The following USP8 variants were observed in gnomAD, a reference collection of about 807,000 sequenced individuals.
USP8 encodes ubiquitin specific peptidase 8.
USP8 carries 27 observed loss-of-function variants against 130.0 expected under a neutral mutation model. The ratio of observed to expected loss-of-function variants is 0.21; its 90% CI spans 0.15 to 0.29. The LOEUF (loss-of-function observed/expected upper bound fraction) is 0.29. Among genes scored for constraint, USP8 ranks in the 10% least tolerant of loss-of-function variants. The pLI is 1.00. For synonymous variants in USP8, 392 were observed against 444.1 expected, an observed-to-expected ratio of 0.88 and a Z score of 1.48; for missense variants, 1,029 against 1,312.2, an observed-to-expected ratio of 0.78 and a Z score of 3.33.
At chr15:50,490,000 C>A in intron 13 of USP8, 119 bp downstream of exon 13, 2 of 924,250 alleles carry the variant, frequency 2.2e-6, no homozygotes, top group Non-Finnish European at 3.2e-6. Context: ...GAGAACATAG[C>A]TTATTCCCCT....
chr15:50,438,882 A>G (rs2050162814), intron 1 of USP8, 127 bp from the exon 2 acceptor site: 1 of 456,978 alleles, frequency 2.2e-6, no homozygotes, highest in Non-Finnish European at 3.9e-6. Flanking sequence ...CCTGAAATAG[A>G]TATTCTAAAC....
chr15:50,439,306 C>T (rs2050175378), intron 2 of USP8, 129 bp downstream of exon 2: 1 of 590,402 alleles, frequency 1.7e-6, no homozygotes, highest in Non-Finnish European at 2.8e-6. Flanking sequence ...GTAGGACCTC[C>T]TTAGAGAAAG....
chr15:50,457,265 A>C (rs899148453), intron 4 of USP8, among the ~76,000 whole-genome samples: 7 of 152,164 alleles, frequency 4.6e-5, no homozygotes, highest in Non-Finnish European at 8.8e-5. Context: ...CACTCAAAAG[A>C]GCATATAAGA....
chr15:50,434,462 T>C (rs1194460032), intron 1 of USP8, among the ~76,000 whole-genome samples: 1 of 152,140 alleles, frequency 6.6e-6, no homozygotes, highest in Non-Finnish European at 1.5e-5. Flanking sequence ...GGAGCACTGC[T>C]GTTTGACTAA....
In USP8 at chr15:50,471,737, C is replaced by T; in HGVS notation, c.791C>T (p.Ser264Phe). The change falls in exon 8 of 20, where the codon TCT (serine) becomes TTT (phenylalanine). Residue 264 changes from serine to phenylalanine, a missense_variant. Ser to Phe is a radical substitution (Grantham distance 155). Coordinates refer to ENST00000307179, the MANE Select transcript of USP8 (RefSeq NM_005154.5). The stretch of plus-strand genomic sequence containing the variant: ...GTGGTACTTCTTGACTGGTTTAGTT[C>T]TGCCAAAGATTTACAGATTGGAACA... ...EYVVLLDWFS[S>F]AKDLQIGTTL... 1 of 1,614,044 alleles carries T rather than the reference C, an allele frequency of 6.2e-7. No individual in the cohort carries two copies. The highest frequency in any genetic ancestry group is 8.5e-7 in the Non-Finnish European group (1 of 1,180,010).
chr15:50,504,153 A>G lies in USP8; in HGVS notation c.*5065A>G, dbSNP rs2052626955. On this transcript the variant is annotated 3_prime_UTR_variant, in exon 20 of 20. Transcript: ENST00000307179. ...ACAGTGTAACAACTATTTACATAGT[A>G]TTTATATTGTATTAGATATTATAAG... 6.6e-6 allele frequency: 1 copy of G among 152,218 alleles called. No homozygotes were observed. The highest frequency in any genetic ancestry group is 6.5e-5 in the Admixed American group (1 of 15,280). 9.4% of individuals were successfully genotyped at this position (152,218 alleles called of 1,614,324 possible).
intron 17 of USP8, chr15:50,496,793 T>TTAAAG (rs2052430880): frequency 4.2e-6 from 1 of 237,016 alleles, no homozygotes; most frequent in Non-Finnish European, 8.0e-6. Context: ...ACCTTTAGTC[T>TTAAAG]TAAAGTACCT....
intron 16 of USP8, among the ~76,000 whole-genome samples, chr15:50,495,244 ACG>A (rs2052334634): frequency 1.7e-5 from 1 of 57,852 alleles, no homozygotes; most frequent in Non-Finnish European, 4.1e-5. Flanking sequence ...ATATATATAT[ACG>A]TGTATATATA....
At position 50,508,069 on chromosome 15, in the gene USP8, C is replaced by CAAAAAAAAAAA; in HGVS notation, c.*8996_*9006dup. On this transcript the variant is annotated 3_prime_UTR_variant, in exon 20 of 20. Coordinates refer to ENST00000307179, the MANE Select transcript of USP8 (RefSeq NM_005154.5). ...CGGGCGACAGTGCAAGACTCTGTCT[C>CAAAAAAAAAAA]AAAAAAAAAAAAAAAAAAAAAAAAA... 1 of 66,724 alleles carries CAAAAAAAAAAA rather than the reference C, an allele frequency of 1.5e-5. No individual in the cohort carries two copies. The highest frequency in any genetic ancestry group is 2.7e-5 in the Non-Finnish European group (1 of 36,796). 4.1% of individuals were successfully genotyped at this position (66,724 alleles called of 1,614,324 possible).
At chr15:50,496,367 G>A (rs1394852705) in intron 17 of USP8, among the ~76,000 whole-genome samples, 4 of 151,664 alleles carry the variant, frequency 2.6e-5, no homozygotes, top group Non-Finnish European at 2.9e-5. Context: ...TGTAGTCCCC[G>A]CTACTCAGGA....
At chr15:50,459,627 T>C (rs1042243702) in intron 5 of USP8, among the ~76,000 whole-genome samples, 17 of 152,212 alleles carry the variant, frequency 1.1e-4, no homozygotes, top group Non-Finnish European at 2.4e-4. Context: ...CTAGCCTCAG[T>C]TGACTTCAGA....
chr15:50,444,336 C>T (rs1426778217), intron 3 of USP8, among the ~76,000 whole-genome samples: 2 of 150,264 alleles, frequency 1.3e-5, no homozygotes, highest in Non-Finnish European at 3.0e-5. Flanking sequence ...AACTCCTGAC[C>T]CTCGGTGATC....
At chr15:50,432,020 C>T (rs2049949873) in intron 1 of USP8, among the ~76,000 whole-genome samples, 3 of 152,176 alleles carry the variant, frequency 2.0e-5, no homozygotes, top group Admixed American at 6.6e-5. Flanking sequence ...TTCTCTCTCT[C>T]ATCACATCAT....
In USP8 at chr15:50,475,850, G is replaced by A. The variant is rs147965833; in HGVS notation, c.850-999G>A. Among the ~76,000 whole-genome samples, 1,104 of 152,036 alleles carry A rather than the reference G, an allele frequency of 7.3e-3. 11 individuals are homozygous for A. The highest frequency in any genetic ancestry group is 0.013 in the Non-Finnish European group (862 of 67,984). On this transcript the variant is annotated intron_variant, in intron 8 of 19. Coordinates refer to ENST00000307179, the MANE Select transcript of USP8 (RefSeq NM_005154.5). ...ACTCCTGACCTCAGGTGATCCTCCC[G>A]CCTCGGCCTTCCAAAGTGCTGGGAT...
At chr15:50,445,461 G>A (rs1259052576) in intron 3 of USP8, among the ~76,000 whole-genome samples, 12 of 146,340 alleles carry the variant, frequency 8.2e-5, no homozygotes, top group African/African-American at 2.1e-4. Flanking sequence ...CAGGGGAATC[G>A]CTTGAACCTG....
chr15:50,446,214 A>C (rs2050436745), intron 3 of USP8, among the ~76,000 whole-genome samples: 1 of 152,204 alleles, frequency 6.6e-6, no homozygotes, highest in Admixed American at 6.5e-5. Context: ...ATTGGATGTT[A>C]TCTTTTTCTT....
chr15:50,490,190 G>A (rs2052105725), intron 13 of USP8, 73 bp from the exon 14 acceptor site: 2 of 1,413,918 alleles, frequency 1.4e-6, no homozygotes, highest in Admixed American at 4.4e-5. Flanking sequence ...AGAATACTTT[G>A]GAGTGATTTC....
At chr15:50,479,687 ATTTTT>A (rs1178434817) in intron 10 of USP8, among the ~76,000 whole-genome samples, 1 of 151,604 alleles carries the variant, frequency 6.6e-6, no homozygotes, top group East Asian at 1.9e-4. Context: ...AAGACAAAGG[ATTTTT>A]TTTAAGAGGC....
intron 6 of USP8, among the ~76,000 whole-genome samples, chr15:50,462,945 C>T (rs1399760801): frequency 6.8e-6 from 1 of 146,726 alleles, no homozygotes; most frequent in Non-Finnish European, 1.5e-5. Context: ...TCATTTACAT[C>T]CCCCATAAAA....
Sources: gnomAD v4.1 joint callset for allele counts (sites outside exome capture counted in the v4.1 genomes callset) on GRCh38, gnomAD v4.1.1 for gene constraint, MANE v1.5 for transcripts, NCBI Gene and HGNC (gene_info 2026-07-23, HGNC 2026-07-21) for gene names.